SEPTIN9: variants seen among roughly 807,000 people sequenced by gnomAD.
SEPTIN9 encodes the protein septin 9.
SEPTIN9 carries 13 observed loss-of-function variants against 56.6 expected under a neutral mutation model. The observed-to-expected ratio is 0.23, with a 90% CI of 0.15 to 0.37. The LOEUF (loss-of-function observed/expected upper bound fraction) is 0.37, where lower values mean the gene tolerates loss of function less well. SEPTIN9 is among the 10% of genes least tolerant of loss of function. SEPTIN9 has a pLI of 1.00. For missense variants in SEPTIN9, 650 were observed against 823.1 expected (o/e 0.79, Z 2.57); for synonymous variants, 332 against 334.1 (o/e 0.99, Z 0.07).
intron 2 of SEPTIN9, among the ~76,000 whole-genome samples, chr17:77,355,748 C>T (rs1263240208): frequency 2.2e-4 from 33 of 151,932 alleles, no homozygotes; most frequent in Admixed American, 1.8e-3. Flanking sequence ...TTTGGGAGGC[C>T]GAGGTGGGCG....
rs1003156467 is a variant in SEPTIN9, at chr17:77,331,541, C to T, written c.76+24344C>T. Among the ~76,000 whole-genome samples the T allele has an allele frequency of 4.6e-5, 7 of 152,128 alleles. No individual in the cohort carries two copies. In the East Asian group the frequency reaches 9.6e-4, roughly 21 times the overall value. ...GCCTGGGCAGGGAGGCGGGTGGCAG[C>T]GAGGAAGGGGAGAGGAACTCGGGTG... On this transcript the variant is annotated intron_variant, in intron 2 of 11. Transcript: ENST00000427177.
In SEPTIN9 at chr17:77,404,902, G is replaced by A. The variant is rs780156430; in HGVS notation, c.721+2199G>A. ...TGACAGTGGTTGCTGGTGGCATGGTGTCAGGCCAAAGGCATGGGCAGTTTG... is the reference window on the plus strand; with the variant it reads ...TGACAGTGGTTGCTGGTGGCATGGTATCAGGCCAAAGGCATGGGCAGTTTG... On this transcript the variant is annotated intron_variant, in intron 3 of 11. Transcript: ENST00000427177. 1.4e-4 allele frequency among the ~76,000 whole-genome samples: 21 copies of A among 152,344 alleles called. 1 individual carries two copies. Among genetic ancestry groups the A allele is most frequent in the Admixed American group, 5.9e-4 (9 of 15,296 alleles).
chr17:77,496,006 TTTC>T (rs2040241131), intron 10 of SEPTIN9, among the ~76,000 whole-genome samples: 1 of 151,764 alleles, frequency 6.6e-6, no homozygotes, highest in African/African-American at 2.4e-5. Context: ...TATGCCTCAT[TTTC>T]TTTTCTTTTC....
chr17:77,383,347 T>C (rs1284997215), intron 2 of SEPTIN9, among the ~76,000 whole-genome samples: 1 of 151,998 alleles, frequency 6.6e-6, no homozygotes, highest in East Asian at 1.9e-4. Flanking sequence ...GGCCCTGGGC[T>C]GGTACTTTGT....
rs1298347565 is a variant in SEPTIN9 at position 77,492,914 on chromosome 17, G to A, written c.1477-66G>A. The A allele has an allele frequency of 1.9e-5, 27 of 1,443,484 alleles. No individual in the cohort carries two copies. Among genetic ancestry groups the A allele is most frequent in the African/African-American group, 1.8e-4 (13 of 70,978 alleles). 89.4% of individuals were successfully genotyped at this position (1,443,484 alleles called of 1,614,324 possible). A position where few individuals can be genotyped will look rare whatever the true frequency, so the allele number is the denominator to read the frequency against. ...CCCCAGGCTCAGGGCAGCTCCTCCC[G>A]GGGGCCCAGGGGAGGGAATTGCCTT... On this transcript the variant is annotated intron_variant, in intron 9 of 11. Coordinates refer to ENST00000427177, the MANE Select transcript of SEPTIN9 (RefSeq NM_001113491.2). This position sits in a 1 kb window ranked among gnomAD's most constrained non-coding sequence, Gnocchi z 5.4.
intron 3 of SEPTIN9, among the ~76,000 whole-genome samples, chr17:77,415,140 G>GT (rs1568050878): frequency 6.6e-6 from 1 of 151,994 alleles, no homozygotes; most frequent in East Asian, 1.9e-4. Context: ...CCACTAGATC[G>GT]TTTTCTTGGC....
chr17:77,477,762 A>G (rs936405452), intron 3 of SEPTIN9, among the ~76,000 whole-genome samples: 1 of 152,204 alleles, frequency 6.6e-6, no homozygotes, highest in Non-Finnish European at 1.5e-5. Flanking sequence ...TCTGACTCCC[A>G]GCTGCGGAGC....
chr17:77,489,357 C>T (rs529440364), intron 7 of SEPTIN9, among the ~76,000 whole-genome samples: 6 of 152,162 alleles, frequency 3.9e-5, no homozygotes, highest in African/African-American at 1.2e-4. Context: ...CCTTTCCTCC[C>T]GCCGGCTCTG....
At chr17:77,314,790 A>G (rs545657818) in intron 2 of SEPTIN9, among the ~76,000 whole-genome samples, 2 of 152,288 alleles carry the variant, frequency 1.3e-5, no homozygotes, top group African/African-American at 4.8e-5. Context: ...GGATGGCTGG[A>G]CCAGCCCCAG....
In SEPTIN9 at chr17:77,492,854, A is replaced by G; in HGVS notation, c.1477-126A>G. The stretch of plus-strand genomic sequence containing the variant: ...GCACTGAGCCCAGGTGTCTGTACCC[A>G]GTGCTGTCAGGCTGAGGCTCTCGTT... On this transcript the variant is annotated intron_variant, in intron 9 of 11. Coordinates refer to ENST00000427177, the MANE Select transcript of SEPTIN9 (RefSeq NM_001113491.2). This position sits in a 1 kb window ranked among gnomAD's most constrained non-coding sequence, Gnocchi z 5.4. The G allele has an allele frequency of 1.7e-6, 2 of 1,195,878 alleles. No homozygotes were observed. Among genetic ancestry groups the G allele is most frequent in the African/African-American group, 1.5e-5 (1 of 66,782 alleles). The allele number at this position is 1,195,878 out of a possible 1,614,324, so 74.1% of individuals were successfully genotyped here.
chr17:77,482,049 G>C lies in SEPTIN9; in HGVS notation c.722-95G>C, dbSNP rs143155950. 6.7e-4 allele frequency: 829 copies of C among 1,240,200 alleles called. 6 individuals carry two copies. The African/African-American group carries it at 0.011, about 17-fold the overall frequency. 76.8% of individuals were successfully genotyped at this position (1,240,200 alleles called of 1,614,324 possible). ...AGCCTTTCTGAGCCTCAGTGCCTCA[G>C]TTTCCCCATCCAAGGATGGGTGTGA... On this transcript the variant is annotated intron_variant, in intron 3 of 11. Transcript: ENST00000427177.
At position 77,498,689 on chromosome 17, in the gene SEPTIN9, C is replaced by T; in HGVS notation, c.*31C>T. Reference sequence around the variant, plus strand: ...ACCCTGCCCACCCCCGGGATCCTGCCCCCAAGTCATTTCCGTCCCCCCCCA... The same window carrying T: ...ACCCTGCCCACCCCCGGGATCCTGCTCCCAAGTCATTTCCGTCCCCCCCCA... On this transcript the variant is annotated 3_prime_UTR_variant, in exon 12 of 12. Coordinates refer to ENST00000427177, the MANE Select transcript of SEPTIN9 (RefSeq NM_001113491.2). 1 of 1,395,552 alleles carries T rather than the reference C, an allele frequency of 7.2e-7. No individual in the cohort carries two copies. The highest frequency in any genetic ancestry group is 1.2e-5 in the South Asian group (1 of 81,832). 86.4% of individuals were successfully genotyped at this position (1,395,552 alleles called of 1,614,324 possible). A position where few individuals can be genotyped will look rare whatever the true frequency, so the allele number is the denominator to read the frequency against.
At chr17:77,295,507 A>G (rs556101784) in intron 1 of SEPTIN9, among the ~76,000 whole-genome samples, 5 of 151,574 alleles carry the variant, frequency 3.3e-5, no homozygotes, top group African/African-American at 1.2e-4. Context: ...CCTTGCTTCC[A>G]CCTCCCAGGT....
chr17:77,409,102 C>T lies in SEPTIN9; in HGVS notation c.721+6399C>T, dbSNP rs141912439. Reference sequence around the variant, plus strand: ...CCGGGATGCCTTACTCGGAAGGTCCCGCTGCTCCCACCTCCTCCCATTTTC... The same window carrying T: ...CCGGGATGCCTTACTCGGAAGGTCCTGCTGCTCCCACCTCCTCCCATTTTC... On this transcript the variant is annotated intron_variant, in intron 3 of 11. Coordinates refer to ENST00000427177, the MANE Select transcript of SEPTIN9 (RefSeq NM_001113491.2). Among the ~76,000 whole-genome samples, 9 of 152,188 alleles carry T rather than the reference C, an allele frequency of 5.9e-5. No individual in the cohort carries two copies. In the East Asian group the frequency reaches 1.5e-3, roughly 26 times the overall value.
At position 77,319,488 on chromosome 17, in the gene SEPTIN9, C is replaced by T; in HGVS notation, c.76+12291C>T. The T allele has an allele frequency of 1.7e-5, 17 of 980,024 alleles. No homozygotes were observed. The highest frequency in any genetic ancestry group is 2.1e-5 in the Non-Finnish European group (17 of 809,876). 60.7% of individuals were successfully genotyped at this position (980,024 alleles called of 1,614,324 possible). A position where few individuals can be genotyped will look rare whatever the true frequency, so the allele number is the denominator to read the frequency against. ...TCCAGGAAGTCCCCGTCCCGTTCGC[C>T]CTCTCTGCCTGGGCGGGGACGGCAA... On this transcript the variant is annotated intron_variant, in intron 2 of 11. Transcript: ENST00000427177. This position sits in a 1 kb window ranked among gnomAD's most constrained non-coding sequence, Gnocchi z 5.3.
At position 77,429,254 on chromosome 17, in the gene SEPTIN9, C is replaced by T. The variant is rs1430421179; in HGVS notation, c.721+26551C>T. 2.1e-6 allele frequency: 1 copy of T among 471,246 alleles called. No individual in the cohort carries two copies. Among genetic ancestry groups the T allele is most frequent in the Admixed American group, 2.3e-5 (1 of 42,594 alleles). 29.2% of individuals were successfully genotyped at this position (471,246 alleles called of 1,614,324 possible). A position where few individuals can be genotyped will look rare whatever the true frequency, so the allele number is the denominator to read the frequency against. ...AGGTGGAGAAGCTCGTTGACCGTGA[C>T]CTTGATCTGACCGTAATTTTGATGG... On this transcript the variant is annotated intron_variant, in intron 3 of 11. Coordinates refer to ENST00000427177, the MANE Select transcript of SEPTIN9 (RefSeq NM_001113491.2). The surrounding 1 kb of genome is among the most constrained non-coding windows in gnomAD (Gnocchi z 5.2).
At chr17:77,381,333 C>T (rs564201564) in intron 2 of SEPTIN9, among the ~76,000 whole-genome samples, 1 of 152,322 alleles carries the variant, frequency 6.6e-6, no homozygotes, top group South Asian at 2.1e-4. Context: ...GGAGATGGCT[C>T]TGCTCCTGCC....
rs970027043 is a variant in SEPTIN9 at position 77,317,350 on chromosome 17, G to T, written c.76+10153G>T. ...GGAACTGGCCTGCACAGCAGGAGGT[G>T]AGTGACTGGCAAGCGAGCGAAGCTT... On this transcript the variant is annotated intron_variant, in intron 2 of 11. Transcript: ENST00000427177. The surrounding 1 kb of genome is among the most constrained non-coding windows in gnomAD (Gnocchi z 4.2). Among the ~76,000 whole-genome samples, 1 of 152,208 alleles carries T rather than the reference G, an allele frequency of 6.6e-6. No individual in the cohort carries two copies. The highest frequency in any genetic ancestry group is 2.4e-5 in the African/African-American group (1 of 41,456).
intron 2 of SEPTIN9, among the ~76,000 whole-genome samples, chr17:77,372,734 G>C (rs1375453385): frequency 6.6e-6 from 1 of 151,996 alleles, no homozygotes; most frequent in African/African-American, 2.4e-5. Context: ...GGTGGTCGTG[G>C]TGGGGGTGTT....
Sources: gnomAD v4.1 joint callset for allele counts (sites outside exome capture counted in the v4.1 genomes callset) on GRCh38, gnomAD v4.1.1 for gene constraint, Gnocchi (gnomAD v3.1) non-coding constraint, MANE v1.5 for transcripts, NCBI Gene and HGNC (gene_info 2026-07-23, HGNC 2026-07-21) for gene names.